Variants in ATP6V0A2 observed in about 807,000 individuals in gnomAD.
The protein encoded by ATP6V0A2 is V-type proton ATPase 116 kDa subunit a 2.
ATP6V0A2 carries 58 observed loss-of-function variants against 104.4 expected under a neutral mutation model. The observed-to-expected ratio is 0.56, with a 90% CI of 0.45 to 0.69. The LOEUF is 0.69. Ranked by LOEUF, ATP6V0A2 falls within the 30% of genes least tolerant of loss-of-function variation. ATP6V0A2 has a pLI of 0.00. For synonymous variants in ATP6V0A2, 376 were observed against 397.9 expected (o/e 0.95, Z 0.65); for missense variants, 938 against 1,062.9 (o/e 0.88, Z 1.63).
intron 5 of ATP6V0A2, 128 bp downstream of exon 5, chr12:123,726,413 G>A (rs771839460): frequency 1.4e-5 from 10 of 729,128 alleles, no homozygotes; most frequent in Non-Finnish European, 2.4e-5. Flanking sequence ...GTGAATATTT[G>A]TTTAAGAAAC....
At chr12:123,718,157 C>A (rs1956362647) in intron 1 of ATP6V0A2, among the ~76,000 whole-genome samples, 1 of 151,040 alleles carries the variant, frequency 6.6e-6, no homozygotes, top group African/African-American at 2.4e-5. Context: ...ATGGCACGAT[C>A]TTGGCTCACT....
At chr12:123,730,256 T>C (rs1474743862) in intron 6 of ATP6V0A2, among the ~76,000 whole-genome samples, 1 of 151,814 alleles carries the variant, frequency 6.6e-6, no homozygotes, top group South Asian at 2.1e-4. Flanking sequence ...GGGGTTTCAC[T>C]GTGTTAGCCA....
At position 123,744,046 on chromosome 12, in the gene ATP6V0A2, T is replaced by C; in HGVS notation, c.1189+111T>C. 1 of 1,554,664 alleles carries C rather than the reference T, an allele frequency of 6.4e-7. No individual in the cohort carries two copies. Among genetic ancestry groups the C allele is most frequent in the East Asian group, 2.2e-5 (1 of 44,590 alleles). On this transcript the variant is annotated intron_variant, in intron 10 of 19. Transcript: ENST00000330342. The surrounding 1 kb of genome is among the most constrained non-coding windows in gnomAD (Gnocchi z 5.4). ...GAGGCTGACCATTACTTTTTTGCTA[T>C]CTTATTTAAAAGTATAAGGTTTTAA...
chr12:123,724,543 G>C lies in ATP6V0A2; in HGVS notation c.295-111G>C, dbSNP rs879121293. 12 of 1,017,142 alleles carry C rather than the reference G, an allele frequency of 1.2e-5. No homozygotes were observed. The African/African-American group carries it at 2.0e-4, about 17-fold the overall frequency. 63.0% of individuals were successfully genotyped at this position (1,017,142 alleles called of 1,614,324 possible). On this transcript the variant is annotated intron_variant, in intron 3 of 19. Coordinates refer to ENST00000330342, the MANE Select transcript of ATP6V0A2 (RefSeq NM_012463.4). ...GACTCCATCTCAAAAAAAAAAAAAA[G>C]AAAAAAACAAAACAAAAAAACCCAC...
Position 123,756,729 on chromosome 12 carries a change from CA to C in ATP6V0A2, c.2294-85del, listed in dbSNP as rs1956767595. The C allele has an allele frequency of 2.8e-6, 4 of 1,439,390 alleles. No homozygotes were observed. The South Asian group carries it at 4.6e-5, about 17-fold the overall frequency. 89.2% of individuals were successfully genotyped at this position (1,439,390 alleles called of 1,614,324 possible). On this transcript the variant is annotated intron_variant, in intron 18 of 19. Coordinates refer to ENST00000330342, the MANE Select transcript of ATP6V0A2 (RefSeq NM_012463.4). ...TTATGGGATAATAGTTCAGGGCCGT[CA>C]GGGGGAAACTCAGTCCAGGTAGCTC...
At chr12:123,732,673 A>T (rs1413202064) in intron 6 of ATP6V0A2, 6 of 146,260 alleles carry the variant, frequency 4.1e-5, no homozygotes, top group Non-Finnish European at 9.0e-5. Context: ...GCTCACCTGC[A>T]CGTCTTTATG....
chr12:123,725,028 C>T (rs1348720820), intron 4 of ATP6V0A2, among the ~76,000 whole-genome samples: 6 of 152,070 alleles, frequency 3.9e-5, no homozygotes, highest in African/African-American at 4.8e-5. Flanking sequence ...CTCCGCCTTC[C>T]GGGTTCAAGA....
intron 8 of ATP6V0A2, among the ~76,000 whole-genome samples, chr12:123,736,496 T>C (rs141682518): frequency 6.2e-4 from 94 of 152,240 alleles, no homozygotes; most frequent in African/African-American, 2.2e-3. Context: ...CCGGTCTGGA[T>C]TGTAATTCTT....
At chr12:123,713,506 C>T (rs1398207969) in intron 1 of ATP6V0A2, among the ~76,000 whole-genome samples, 1 of 152,060 alleles carries the variant, frequency 6.6e-6, no homozygotes, top group African/African-American at 2.4e-5. Context: ...TCATTGGCAT[C>T]GATAGGCATT....
chr12:123,713,557 G>A (rs1304886807), intron 1 of ATP6V0A2, among the ~76,000 whole-genome samples: 1 of 152,112 alleles, frequency 6.6e-6, no homozygotes, highest in Non-Finnish European at 1.5e-5. Context: ...TGCCCGCTAT[G>A]TTCAGGCACT....
chr12:123,752,676 T>C (rs1456467810), intron 17 of ATP6V0A2, among the ~76,000 whole-genome samples: 1 of 152,226 alleles, frequency 6.6e-6, no homozygotes, highest in Admixed American at 6.5e-5. Flanking sequence ...TAAGGTGCCA[T>C]GAACATTGCT....
chr12:123,742,775 G>A (rs1956621764), intron 9 of ATP6V0A2, among the ~76,000 whole-genome samples: 1 of 151,802 alleles, frequency 6.6e-6, no homozygotes, highest in Non-Finnish European at 1.5e-5. Context: ...GGCAGAGGTT[G>A]CAGTGAGCCG....
At chr12:123,751,031 C>T (rs1453046613) in intron 15 of ATP6V0A2, 79 bp from the exon 16 acceptor site, 1 of 1,588,176 alleles carries the variant, frequency 6.3e-7, no homozygotes, top group African/African-American at 1.3e-5. Flanking sequence ...TTCGATCTTT[C>T]CTGATTTCAT....
chr12:123,736,453 G>T (rs750649195), intron 8 of ATP6V0A2, among the ~76,000 whole-genome samples: 1 of 151,246 alleles, frequency 6.6e-6, no homozygotes, highest in Non-Finnish European at 1.5e-5. Flanking sequence ...CGGCCTCCCA[G>T]AGTGCTGGGA....
intron 14 of ATP6V0A2, among the ~76,000 whole-genome samples, 194 bp downstream of exon 14, chr12:123,747,919 G>A (rs544804159): frequency 3.3e-5 from 5 of 152,192 alleles, no homozygotes; most frequent in East Asian, 1.9e-4. Flanking sequence ...TTTATCGAGC[G>A]CATAGTAGTG....
At chr12:123,733,013 C>T (rs1210276227) in intron 6 of ATP6V0A2, 1 of 152,012 alleles carries the variant, frequency 6.6e-6, no homozygotes, top group Non-Finnish European at 1.5e-5. Context: ...AGTAGTTATG[C>T]TTCATAAAGT....
At chr12:123,728,648 G>T (rs1262247285) in intron 6 of ATP6V0A2, among the ~76,000 whole-genome samples, 2 of 152,186 alleles carry the variant, frequency 1.3e-5, no homozygotes, top group African/African-American at 4.8e-5. Context: ...GTGTCTCTGG[G>T]TTTGGGTTTC....
chr12:123,736,947 T>C, intron 8 of ATP6V0A2, 112 bp from the exon 9 acceptor site: 1 of 1,073,566 alleles, frequency 9.3e-7, no homozygotes, highest in Non-Finnish European at 1.4e-6. Context: ...GGCAGGTGCC[T>C]GGAATGATCC....
At chr12:123,714,094 A>G (rs945634691) in intron 1 of ATP6V0A2, among the ~76,000 whole-genome samples, 4 of 152,200 alleles carry the variant, frequency 2.6e-5, no homozygotes, top group African/African-American at 7.2e-5. Context: ...AGGCTCCTAC[A>G]TTTGTAACAG....
Sources: gnomAD v4.1 joint callset for allele counts (sites outside exome capture counted in the v4.1 genomes callset) on GRCh38, gnomAD v4.1.1 for gene constraint, Gnocchi (gnomAD v3.1) non-coding constraint, MANE v1.5 for transcripts, NCBI Gene and HGNC (gene_info 2026-07-23, HGNC 2026-07-21) for gene names.